Variants in SCN8A observed in about 807,000 individuals in gnomAD.
The protein encoded by SCN8A is sodium voltage-gated channel alpha subunit 8.
Under a neutral mutation model 184.1 loss-of-function variants are expected in SCN8A, and 30 were observed. The ratio of observed to expected loss-of-function variants is 0.16; its 90% CI spans 0.12 to 0.22. The LOEUF (loss-of-function observed/expected upper bound fraction) is 0.22. Ranked by LOEUF, SCN8A falls within the 10% of genes least tolerant of loss-of-function variation. The pLI is 1.00. For synonymous variants in SCN8A, 852 were observed against 907.0 expected (o/e 0.94, Z 1.09); for missense variants, 1,057 against 2,498.9 (o/e 0.42, Z 12.30).
At chr12:51,612,373 A>G (rs781521251) in intron 1 of SCN8A, among the ~76,000 whole-genome samples, 20 of 152,188 alleles carry the variant, frequency 1.3e-4, no homozygotes, top group Non-Finnish European at 2.4e-4. Context: ...CATGTTGCCC[A>G]GGCTGGTCTT....
At position 51,774,381 on chromosome 12, in the gene SCN8A, G is replaced by C; in HGVS notation, c.3819+19G>C. 6.3e-7 allele frequency: 1 copy of C among 1,586,894 alleles called. No individual in the cohort carries two copies. Among genetic ancestry groups the C allele is most frequent in the Non-Finnish European group, 8.6e-7 (1 of 1,165,854 alleles). On this transcript the variant is annotated intron_variant, in intron 20 of 26. Transcript: ENST00000627620. ...TGTGGCTGTAGGTGTCTTGCTTTCT[G>C]TTTCCCACCCCTTCCAGCAGGAACA... is the stretch of plus-strand genomic sequence containing the variant.
chr12:51,694,598 G>A (rs557637876), intron 6 of SCN8A, among the ~76,000 whole-genome samples: 3 of 152,258 alleles, frequency 2.0e-5, no homozygotes, highest in South Asian at 4.1e-4. Flanking sequence ...TTGCCCCCAC[G>A]TGGCTTCTGT....
intron 20 of SCN8A, among the ~76,000 whole-genome samples, chr12:51,778,120 A>G (rs145844398): frequency 6.5e-4 from 99 of 152,254 alleles, no homozygotes; most frequent in African/African-American, 2.4e-3. Flanking sequence ...GCAGACATTG[A>G]ACTCTGGACC....
chr12:51,733,235 C>A (rs1278246094), intron 12 of SCN8A, among the ~76,000 whole-genome samples: 1 of 151,978 alleles, frequency 6.6e-6, no homozygotes, highest in African/African-American at 2.4e-5. Flanking sequence ...TCCTTCAATA[C>A]CTAGTTTTTT....
intron 1 of SCN8A, among the ~76,000 whole-genome samples, chr12:51,654,008 A>G (rs931568473): frequency 6.6e-6 from 1 of 152,186 alleles, no homozygotes. Flanking sequence ...TTTTTGGAGA[A>G]AAGTCTATTC....
At chr12:51,708,186 T>C (rs535313033) in intron 11 of SCN8A, among the ~76,000 whole-genome samples, 7 of 152,308 alleles carry the variant, frequency 4.6e-5, no homozygotes, top group African/African-American at 1.7e-4. Flanking sequence ...TTATAGGGGA[T>C]AATAATAATA....
intron 15 of SCN8A, among the ~76,000 whole-genome samples, chr12:51,765,377 T>C (rs1942822690): frequency 6.6e-6 from 1 of 152,140 alleles, no homozygotes; most frequent in Non-Finnish European, 1.5e-5. Context: ...TATGTTCATA[T>C]GTGGGTTTTC....
chr12:51,635,559 G>GT (rs1266152098), intron 1 of SCN8A, among the ~76,000 whole-genome samples: 15 of 152,212 alleles, frequency 9.9e-5, no homozygotes, highest in Admixed American at 7.2e-4. Context: ...TTTAAACTAG[G>GT]TTTTTTTCAC....
At position 51,798,710 on chromosome 12, in the gene SCN8A, A is replaced by C. The variant is rs148207331; in HGVS notation, c.4795+4069A>C. 3.5e-3 allele frequency among the ~76,000 whole-genome samples: 532 copies of C among 152,250 alleles called. 2 individuals are homozygous for C. Among genetic ancestry groups the C allele is most frequent in the African/African-American group, 0.012 (515 of 41,540 alleles). Reference sequence around the variant, plus strand: ...CTGAGTGGTGTCCACAGAATGAGTCATCCTATCCACCTGATTATTAAAAGC... The same window carrying C: ...CTGAGTGGTGTCCACAGAATGAGTCCTCCTATCCACCTGATTATTAAAAGC... On this transcript the variant is annotated intron_variant, in intron 26 of 26. Transcript: ENST00000627620.
At chr12:51,767,798 G>C (rs929506459) in intron 16 of SCN8A, among the ~76,000 whole-genome samples, 8 of 152,188 alleles carry the variant, frequency 5.3e-5, no homozygotes, top group Non-Finnish European at 1.2e-4. Context: ...ATTCATGCAT[G>C]TAACAGCCTC....
chr12:51,623,159 G>C (rs1401159098), intron 1 of SCN8A, among the ~76,000 whole-genome samples: 1 of 152,102 alleles, frequency 6.6e-6, no homozygotes, highest in African/African-American at 2.4e-5. Context: ...AAGAGCCCTA[G>C]TTCTTTTTAT....
chr12:51,664,936 T>C (rs1941003356), intron 2 of SCN8A, among the ~76,000 whole-genome samples: 1 of 152,126 alleles, frequency 6.6e-6, no homozygotes, highest in South Asian at 2.1e-4. Context: ...CATGTGTCCA[T>C]GTGTTCTCAT....
intron 1 of SCN8A, among the ~76,000 whole-genome samples, chr12:51,600,988 T>C (rs1341702075): frequency 6.6e-6 from 1 of 152,202 alleles, no homozygotes; most frequent in Admixed American, 6.5e-5. Context: ...AATTTAGCAC[T>C]CTATTTAGGG....
intron 1 of SCN8A, among the ~76,000 whole-genome samples, chr12:51,627,677 A>C (rs536959243): frequency 6.6e-6 from 1 of 152,296 alleles, no homozygotes; most frequent in East Asian, 1.9e-4. Flanking sequence ...CATTGTGCCC[A>C]GCCCTCTTTT....
Position 51,591,735 on chromosome 12 carries a change from G to A in SCN8A, c.-55+376G>A, listed in dbSNP as rs561625382. Reference sequence around the variant, plus strand: ...CGGGCAGAGTTGGGGCCCCTAGCCGGCTTGCACTGGGAAGGGCAGCGCTGT... The same window carrying A: ...CGGGCAGAGTTGGGGCCCCTAGCCGACTTGCACTGGGAAGGGCAGCGCTGT... On this transcript the variant is annotated intron_variant, in intron 1 of 26. Transcript: ENST00000627620. Among the ~76,000 whole-genome samples, 33 of 152,214 alleles carry A rather than the reference G, an allele frequency of 2.2e-4. No individual in the cohort carries two copies. In the South Asian group the frequency reaches 6.8e-3, roughly 32 times the overall value.
intron 1 of SCN8A, among the ~76,000 whole-genome samples, chr12:51,594,630 G>A (rs1939303971): frequency 1.3e-5 from 2 of 152,118 alleles, no homozygotes; most frequent in Non-Finnish European, 2.9e-5. Flanking sequence ...TATATCCAGA[G>A]TGAGATCAGT....
At chr12:51,691,633 C>T (rs1941510467) in intron 6 of SCN8A, among the ~76,000 whole-genome samples, 2 of 152,138 alleles carry the variant, frequency 1.3e-5, no homozygotes, top group Non-Finnish European at 2.9e-5. Flanking sequence ...TTTCTAGAAG[C>T]ACCCCCAATT....
At chr12:51,684,677 T>C (rs898651361) in intron 3 of SCN8A, among the ~76,000 whole-genome samples, 5 of 152,202 alleles carry the variant, frequency 3.3e-5, no homozygotes, top group African/African-American at 1.2e-4. Flanking sequence ...GAGTTACAAA[T>C]AGTTGGATGA....
intron 1 of SCN8A, among the ~76,000 whole-genome samples, chr12:51,623,431 C>T (rs1040145283): frequency 6.6e-6 from 1 of 152,142 alleles, no homozygotes; most frequent in African/African-American, 2.4e-5. Context: ...GAGAAACCTG[C>T]CTCTCATCAT....
Sources: allele counts gnomAD v4.1 joint callset (sites outside exome capture counted in the v4.1 genomes callset), GRCh38; gene constraint gnomAD v4.1.1; transcripts MANE v1.5; gene names NCBI Gene and HGNC (gene_info 2026-07-23, HGNC 2026-07-21).